The following NOTCH1 variants were observed in gnomAD, a reference collection of about 807,000 sequenced individuals.
The protein encoded by NOTCH1 is neurogenic locus notch homolog protein 1.
A neutral mutation model predicts 254.8 loss-of-function variants in NOTCH1; 37 were observed. The ratio of observed to expected loss-of-function variants is 0.15; its 90% CI spans 0.11 to 0.19. NOTCH1 has a LOEUF of 0.19. Ranked by LOEUF, NOTCH1 falls within the 10% of genes least tolerant of loss-of-function variation. The probability of loss-of-function intolerance (pLI) is 1.00; values close to 1 mark genes in which losing one functional copy is unlikely to be tolerated. For missense variants in NOTCH1, 2,972 were observed against 3,708.6 expected (o/e 0.80, Z 5.16); for synonymous variants, 1,731 against 1,618.1 (o/e 1.07, Z -1.68).
intron 26 of NOTCH1, 21 bp downstream of exon 26, chr9:136,504,652 T>C (rs2133335538): frequency 6.7e-7 from 1 of 1,490,746 alleles, no homozygotes. Flanking sequence ...GGATTGACCG[T>C]GGGCGCCGGG....
chr9:136,504,720 G>C lies in NOTCH1; in HGVS notation c.4971C>G (p.Ser1657Arg), dbSNP rs367838230. 117 of 1,540,688 alleles carry C rather than the reference G, an allele frequency of 7.6e-5. No homozygotes were observed. The highest frequency in any genetic ancestry group is 6.5e-5 in the Non-Finnish European group (74 of 1,141,844). ...QVKASLLPGG[S>R]EGGRRRRELD... ...GCTCCCTCCGCCGCCGCCCACCCTCGCTGCCACCAGGGAGCAGCGAGGCCT... is the reference window on the plus strand; with the variant it reads ...GCTCCCTCCGCCGCCGCCCACCCTCCCTGCCACCAGGGAGCAGCGAGGCCT... The change falls in exon 26 of 34, where the codon AGC (serine) becomes AGG (arginine). Residue 1657 changes from serine (S) to arginine (R), a missense_variant. Physicochemically the swap from Ser to Arg is moderately radical, Grantham distance 110. This residue lies in a region of NOTCH1 where 1,343 missense variants were observed against 1,557.0 expected (regional missense o/e 0.86). Coordinates refer to ENST00000651671, the MANE Select transcript of NOTCH1 (RefSeq NM_017617.5).
rs749903750 is a variant in NOTCH1 at position 136,496,889 on chromosome 9, T to G, written c.6850A>C (p.Thr2284Pro). ...CCTCCGCTGCTGGAGCCCAGGACGG[T>G]GCTGGTGCCAGAGGCCACAGGCAGG... The part of the protein sequence containing the change: ...SHLPVASGTS[T>P]VLGSSSGGAL... The change falls in exon 34 of 34, where the codon ACC (threonine) becomes CCC (proline). Residue 2284 changes from threonine (T) to proline (P), a missense_variant. Transcript: ENST00000651671. The G allele has an allele frequency of 6.2e-7, 1 of 1,612,676 alleles. No homozygotes were observed.
chr9:136,507,188 G>A (rs1387445131), intron 22 of NOTCH1, 117 bp downstream of exon 22: 5 of 1,571,518 alleles, frequency 3.2e-6, no homozygotes, highest in East Asian at 2.3e-5. Flanking sequence ...GCCTCACACA[G>A]GAAAATGGGA....
rs1843117636 is a variant in NOTCH1 at position 136,508,088 on chromosome 9, C to A, written c.3377G>T (p.Gly1126Val). Residue 1126 changes from glycine to valine, a missense_variant, in exon 21 of 34, where the codon GGC becomes GTC. This residue lies in a region of NOTCH1 where 1,343 missense variants were observed against 1,557.0 expected (regional missense o/e 0.86). Transcript: ENST00000651671. ...CQHGGLCVDA[G>V]NTHHCRCQAG... ...CTGGCAGCGGCAGTGGTGCGTGTTG[C>A]CCGCGTCCACACAGAGCCCTCCATG... The A allele has an allele frequency of 6.2e-7, 1 of 1,609,462 alleles. No homozygotes were observed. Among genetic ancestry groups the A allele is most frequent in the African/African-American group, 1.3e-5 (1 of 74,912 alleles).
chr9:136,503,368 TTCC>T, intron 26 of NOTCH1, 38 bp from the exon 27 acceptor site: 1 of 1,611,758 alleles, frequency 6.2e-7, no homozygotes. Flanking sequence ...GACCCGAGGC[TTCC>T]TCCTCCCCCG....
Position 136,510,776 on chromosome 9 carries a change from A to G in NOTCH1, c.2617T>C (p.Cys873Arg), listed in dbSNP as rs768791017. ...CCGTGCCGGCACGGGCTCAGAACGC[A>G]CTCGTTGATGTCGACCTCACAGGTC... Reference protein sequence around the residue: ...GQTCEVDINECVLSPCRHGAS... With the variant: ...GQTCEVDINERVLSPCRHGAS... The change falls in exon 17 of 34, where the codon TGC becomes CGC. Residue 873 changes from cysteine (C) to arginine (R), a missense_variant. Physicochemically the swap from Cys to Arg is radical, Grantham distance 180. This residue lies in a region of NOTCH1 where 1,343 missense variants were observed against 1,557.0 expected (regional missense o/e 0.86). Coordinates refer to ENST00000651671, the MANE Select transcript of NOTCH1 (RefSeq NM_017617.5). The G allele has an allele frequency of 2.5e-6, 4 of 1,610,160 alleles. 1 individual carries two copies. Among genetic ancestry groups the G allele is most frequent in the Non-Finnish European group, 3.4e-6 (4 of 1,179,814 alleles).
At position 136,544,470 on chromosome 9, in the gene NOTCH1, C is replaced by T. The variant is rs368036451; in HGVS notation, c.62-368G>A. On this transcript the variant is annotated intron_variant, in intron 1 of 33. Coordinates refer to ENST00000651671, the MANE Select transcript of NOTCH1 (RefSeq NM_017617.5). ...AGCGTTGCCCCCCACCCTGGAGGCT[C>T]ACTGAGGAGTCTGGCAGGGCAGGGC... is the stretch of plus-strand genomic sequence containing the variant. Among the ~76,000 whole-genome samples, 3 of 152,284 alleles carry T rather than the reference C, an allele frequency of 2.0e-5. No homozygotes were observed. The East Asian group carries it at 5.8e-4, about 29-fold the overall frequency.
Position 136,518,136 on chromosome 9 carries a change from C to A in NOTCH1, c.1255+1G>T. ...GCCGCACCCCCTGTGCTGGCACCTA[C>A]CCAGCGAGCACTCATCCACGTCCTG... On this transcript the variant is annotated splice_donor_variant, in intron 7 of 33. Coordinates refer to ENST00000651671, the MANE Select transcript of NOTCH1 (RefSeq NM_017617.5). LOFTEE classifies it high-confidence loss of function. 1 of 1,584,872 alleles carries A rather than the reference C, an allele frequency of 6.3e-7. No homozygotes were observed. Among genetic ancestry groups the A allele is most frequent in the Admixed American group, 1.8e-5 (1 of 56,584 alleles).
At chr9:136,536,814 G>A (rs1440679899) in intron 2 of NOTCH1, among the ~76,000 whole-genome samples, 1 of 152,252 alleles carries the variant, frequency 6.6e-6, no homozygotes, top group Non-Finnish European at 1.5e-5. Context: ...CCCCTGCCCA[G>A]GGGGGCCTGC....
Position 136,504,887 on chromosome 9 carries a change from T to C in NOTCH1, c.4804A>G (p.Thr1602Ala), listed in dbSNP as rs1470867224. Residue 1602 changes from threonine to alanine, a missense_variant, in exon 26 of 34, where the codon ACC (threonine) becomes GCC (alanine). Coordinates refer to ENST00000651671, the MANE Select transcript of NOTCH1 (RefSeq NM_017617.5). ...GCGTCACGCTTGAAGACCACGTTGG[T>C]GTGCAGCACGCGGCTGAGCTCCCGC... is the stretch of plus-strand genomic sequence containing the variant. ...FLRELSRVLH[T>A]NVVFKRDAHG... 1.3e-6 allele frequency: 2 copies of C among 1,585,236 alleles called. No homozygotes were observed. Among genetic ancestry groups the C allele is most frequent in the African/African-American group, 2.7e-5 (2 of 74,536 alleles).
intron 2 of NOTCH1, chr9:136,543,564 G>A: frequency 5.9e-6 from 2 of 339,600 alleles, no homozygotes; most frequent in Non-Finnish European, 1.1e-5. Flanking sequence ...ACCAGCCCAA[G>A]AGGCATCACC....
chr9:136,526,520 G>A (rs1199844904), intron 2 of NOTCH1, among the ~76,000 whole-genome samples: 1 of 152,238 alleles, frequency 6.6e-6, no homozygotes, highest in Non-Finnish European at 1.5e-5. Context: ...AGACGGGGAG[G>A]AGGGGCAGGG....
intron 15 of NOTCH1, 26 bp downstream of exon 15, chr9:136,512,995 C>G: frequency 9.3e-7 from 1 of 1,080,478 alleles, no homozygotes; most frequent in Non-Finnish European, 1.4e-6. Context: ...CCGCCCCCTC[C>G]AGCACAGGCC....
chr9:136,527,001 C>A (rs1346067273), intron 2 of NOTCH1, among the ~76,000 whole-genome samples: 1 of 152,234 alleles, frequency 6.6e-6, no homozygotes, highest in Non-Finnish European at 1.5e-5. Context: ...CTGCCACGGC[C>A]CCACAGCCAC....
Position 136,515,330 on chromosome 9 carries a change from C to T in NOTCH1, c.1974G>A (p.Lys658=), listed in dbSNP as rs1335149494. The T allele has an allele frequency of 6.2e-7, 1 of 1,612,936 alleles. No individual in the cohort carries two copies. The highest frequency in any genetic ancestry group is 1.3e-5 in the African/African-American group (1 of 74,934). Residue 658 remains lysine (K), a synonymous_variant, in exon 12 of 34, where the codon AAG becomes AAA. Coordinates refer to ENST00000651671, the MANE Select transcript of NOTCH1 (RefSeq NM_017617.5). ...SPCDSGTCLD[K]IDGYECACEP... The stretch of plus-strand genomic sequence containing the variant: ...CACAGGCACACTCGTAGCCATCGAT[C>T]TTGTCCAGACAGGTGCCCGAGTCGC...
intron 2 of NOTCH1, among the ~76,000 whole-genome samples, chr9:136,533,791 A>T (rs1843599803): frequency 6.6e-6 from 1 of 152,230 alleles, no homozygotes; most frequent in African/African-American, 2.4e-5. Flanking sequence ...GCCTCCTACT[A>T]GGGCATCTGT....
chr9:136,499,385 G>C, intron 31 of NOTCH1, 126 bp from the exon 32 acceptor site: 6 of 1,364,616 alleles, frequency 4.4e-6, no homozygotes, highest in Non-Finnish European at 4.0e-6. Flanking sequence ...TCCTGAGATC[G>C]GCACGGCCGG....
At chr9:136,503,479 C>T in intron 26 of NOTCH1, 149 bp from the exon 27 acceptor site, 1 of 1,150,484 alleles carries the variant, frequency 8.7e-7, no homozygotes, top group African/African-American at 1.5e-5. Context: ...CCAGGTCTGA[C>T]AGCAGCTACC....
Position 136,508,297 on chromosome 9 carries a change from C to A in NOTCH1, c.3260G>T (p.Ser1087Ile). 1 of 1,613,018 alleles carries A rather than the reference C, an allele frequency of 6.2e-7. No individual in the cohort carries two copies. The highest frequency in any genetic ancestry group is 1.1e-5 in the South Asian group (1 of 91,090). The change falls in exon 20 of 34, where the codon AGC becomes ATC. Residue 1087 changes from serine (S) to isoleucine (I), a missense_variant. Ser to Ile is a moderately radical substitution (Grantham distance 142). Coordinates refer to ENST00000651671, the MANE Select transcript of NOTCH1 (RefSeq NM_017617.5). ...THTQYRCECP[S>I]GWTGLYCDVP... Reference sequence around the variant, plus strand: ...GTCGCAGTAAAGGCCGGTCCAGCCGCTGGGGCACTCGCAGCGGTACTGGGT... The same window carrying A: ...GTCGCAGTAAAGGCCGGTCCAGCCGATGGGGCACTCGCAGCGGTACTGGGT...
Sources: gnomAD v4.1 joint callset for allele counts (sites outside exome capture counted in the v4.1 genomes callset) on GRCh38, gnomAD v4.1.1 for gene constraint, gnomAD v4.1.1 regional missense constraint, MANE v1.5 for transcripts, NCBI Gene and HGNC (gene_info 2026-07-23, HGNC 2026-07-21) for gene names.